The following SCAF8 variants were observed in gnomAD, a reference collection of about 807,000 sequenced individuals.
SCAF8 encodes the protein SR-related CTD associated factor 8.
In SCAF8, 23 loss-of-function variants were observed where a neutral mutation model predicts 140.5. That is an observed-to-expected ratio of 0.16 (90% CI 0.12 to 0.23). The LOEUF is 0.23. Among genes scored for constraint, SCAF8 ranks in the 10% least tolerant of loss-of-function variants. The pLI is 1.00. For missense variants in SCAF8, 1,397 were observed against 1,555.7 expected (o/e 0.90, Z 1.72); for synonymous variants, 575 against 528.9 (o/e 1.09, Z -1.20).
intron 12 of SCAF8, 43 bp from the exon 13 acceptor site, chr6:154,815,671 CTA>C (rs773166001): frequency 3.9e-5 from 41 of 1,049,110 alleles, no homozygotes; most frequent in East Asian, 3.1e-4. Flanking sequence ...AAAGAAGTAA[CTA>C]TGTCTAAATG....
At chr6:154,766,077 G>T (rs1776556448) in intron 1 of SCAF8, among the ~76,000 whole-genome samples, 1 of 140,052 alleles carries the variant, frequency 7.1e-6, no homozygotes, top group South Asian at 2.3e-4. Context: ...TAAGAGAAAA[G>T]AAAATGTTAT....
chr6:154,769,743 GT>G (rs1344279197), intron 1 of SCAF8, among the ~76,000 whole-genome samples: 1 of 152,304 alleles, frequency 6.6e-6, no homozygotes, highest in East Asian at 1.9e-4. Context: ...AGATCTTTCT[GT>G]ACAAAGCTTG....
chr6:154,824,682 T>C (rs1225269786), intron 17 of SCAF8, among the ~76,000 whole-genome samples: 3 of 151,996 alleles, frequency 2.0e-5, no homozygotes, highest in Non-Finnish European at 4.4e-5. Flanking sequence ...GTGGCTCACA[T>C]CTGTAATCCC....
chr6:154,734,615 C>A lies in SCAF8; in HGVS notation c.30+685C>A, dbSNP rs187631578. Among the ~76,000 whole-genome samples, 912 of 152,254 alleles carry A rather than the reference C, an allele frequency of 6.0e-3. 15 individuals carry two copies. Among genetic ancestry groups the A allele is most frequent in the Admixed American group, 0.027 (417 of 15,296 alleles). On this transcript the variant is annotated intron_variant, in intron 1 of 19. Coordinates refer to ENST00000367178, the MANE Select transcript of SCAF8 (RefSeq NM_014892.5). ...GAGAGATGGAAGATTATGGGGGAAA[C>A]ATTTCTCGCTGGTTCATTCACGTGT... is the stretch of plus-strand genomic sequence containing the variant.
Position 154,733,825 on chromosome 6 carries a change from G to C in SCAF8, c.-76G>C, listed in dbSNP as rs1369594521. 4.0e-6 allele frequency: 6 copies of C among 1,495,832 alleles called. No individual in the cohort carries two copies. In the African/African-American group the frequency reaches 4.4e-5, roughly 11 times the overall value. 92.7% of individuals were successfully genotyped at this position (1,495,832 alleles called of 1,614,324 possible). On this transcript the variant is annotated 5_prime_UTR_variant, in exon 1 of 20. Transcript: ENST00000367178. ...CCTCCTCGCGGCCACGCAGCAGCCCGCGTCTCGCTCTCCCCACCCAGTGCA... is the reference window on the plus strand; with the variant it reads ...CCTCCTCGCGGCCACGCAGCAGCCCCCGTCTCGCTCTCCCCACCCAGTGCA...
At chr6:154,766,145 A>G (rs931227383) in intron 1 of SCAF8, among the ~76,000 whole-genome samples, 18 of 152,308 alleles carry the variant, frequency 1.2e-4, no homozygotes, top group African/African-American at 4.3e-4. Flanking sequence ...GAAGTAGGTC[A>G]TCATAAAAAT....
chr6:154,809,813 T>C (rs887237347), intron 11 of SCAF8, among the ~76,000 whole-genome samples: 2 of 152,182 alleles, frequency 1.3e-5, no homozygotes, highest in Non-Finnish European at 2.9e-5. Context: ...CTCAGAATCA[T>C]TGCCAACTAA....
At chr6:154,829,341 C>G (rs1024105912) in intron 18 of SCAF8, among the ~76,000 whole-genome samples, 1 of 151,320 alleles carries the variant, frequency 6.6e-6, no homozygotes, top group Non-Finnish European at 1.5e-5. Flanking sequence ...TGTAATGCAA[C>G]AGTAAATATA....
intron 6 of SCAF8, among the ~76,000 whole-genome samples, chr6:154,799,237 C>G (rs1382722028): frequency 6.6e-6 from 1 of 151,206 alleles, no homozygotes; most frequent in Non-Finnish European, 1.5e-5. Flanking sequence ...GTCAGCCTCC[C>G]AAAGTGCTGG....
At chr6:154,815,586 T>G in intron 12 of SCAF8, 130 bp from the exon 13 acceptor site, 2 of 391,112 alleles carry the variant, frequency 5.1e-6, no homozygotes, top group Non-Finnish European at 9.5e-6. Flanking sequence ...AAGTGTTCAT[T>G]GACAATTATT....
In SCAF8 at chr6:154,831,023, A is replaced by G. The variant is rs761220212; in HGVS notation, c.2242A>G (p.Thr748Ala). The G allele has an allele frequency of 1.2e-6, 2 of 1,614,078 alleles. No homozygotes were observed. The highest frequency in any genetic ancestry group is 8.5e-7 in the Non-Finnish European group (1 of 1,179,934). Residue 748 changes from threonine (T) to alanine (A), a missense_variant, in exon 19 of 20, where the codon ACT becomes GCT. Physicochemically the swap from Thr to Ala is moderately conservative, Grantham distance 58. Around this residue, in one of 5 missense-constraint regions of SCAF8, gnomAD observed 930 missense variants for 874.6 expected, o/e 1.06. Coordinates refer to ENST00000367178, the MANE Select transcript of SCAF8 (RefSeq NM_014892.5). The stretch of plus-strand genomic sequence containing the variant: ...CGGTTCTGTTGCCAGCAATCTTGCT[A>G]CTTCCGCTCTGCCAGCTGGAAATGT... ...PGGSVASNLA[T>A]SALPAGNVFN...
intron 1 of SCAF8, among the ~76,000 whole-genome samples, chr6:154,770,831 A>G (rs1583020036): frequency 1.3e-5 from 2 of 152,146 alleles, no homozygotes; most frequent in Admixed American, 1.3e-4. Flanking sequence ...CGCAACCTCC[A>G]TCTCCCAGGT....
In SCAF8 at chr6:154,831,127, A is replaced by G. The variant is rs1272141719; in HGVS notation, c.2346A>G (p.Glu782=). The part of the protein sequence containing the change: ...HLIDHQISSG[E]NTRSVIPNDI... Reference sequence around the variant, plus strand: ...TAGACCACCAGATTTCTTCTGGTGAAAACACCAGATCAGGTAAATAATAAT... The same window carrying G: ...TAGACCACCAGATTTCTTCTGGTGAGAACACCAGATCAGGTAAATAATAAT... The change falls in exon 19 of 20, where the codon GAA becomes GAG. Residue 782 remains glutamate, a synonymous_variant. Transcript: ENST00000367178. The G allele has an allele frequency of 2.4e-5, 38 of 1,588,590 alleles. No individual in the cohort carries two copies. The highest frequency in any genetic ancestry group is 3.1e-5 in the Non-Finnish European group (36 of 1,157,874).
Position 154,792,850 on chromosome 6 carries a change from T to G in SCAF8, c.349T>G (p.Trp117Gly). ...TAAAATAGTGAGAGTACTAAACTTATGGCAGAAGAATAATGTATTTAAGAG... is the reference window on the plus strand; with the variant it reads ...TAAAATAGTGAGAGTACTAAACTTAGGGCAGAAGAATAATGTATTTAAGAG... ...KSKIVRVLNL[W>G]QKNNVFKSEI... Residue 117 changes from tryptophan to glycine, a missense_variant, in exon 5 of 20, where the codon TGG becomes GGG. By Grantham distance (184) the Trp-to-Gly change is radical. This residue lies in a region of SCAF8 where 43 missense variants were observed against 142.1 expected (regional missense o/e 0.30). Coordinates refer to ENST00000367178, the MANE Select transcript of SCAF8 (RefSeq NM_014892.5). 1 of 1,610,400 alleles carries G rather than the reference T, an allele frequency of 6.2e-7. No homozygotes were observed. The highest frequency in any genetic ancestry group is 8.5e-7 in the Non-Finnish European group (1 of 1,178,410).
intron 18 of SCAF8, among the ~76,000 whole-genome samples, chr6:154,829,908 A>T (rs546993731): frequency 1.3e-5 from 2 of 152,344 alleles, no homozygotes; most frequent in East Asian, 3.9e-4. Flanking sequence ...ACTGTCTCAA[A>T]AAAAAGATAG....
chr6:154,774,651 G>A (rs1442416671), intron 2 of SCAF8, among the ~76,000 whole-genome samples: 2 of 151,908 alleles, frequency 1.3e-5, no homozygotes, highest in South Asian at 2.1e-4. Context: ...TTGAAAATAG[G>A]CCATTAAGGA....
At chr6:154,757,580 G>C (rs1160802282) in intron 1 of SCAF8, among the ~76,000 whole-genome samples, 2 of 152,104 alleles carry the variant, frequency 1.3e-5, no homozygotes, top group African/African-American at 4.8e-5. Flanking sequence ...CACATGCTTG[G>C]ATACCTAATA....
At position 154,777,954 on chromosome 6, in the gene SCAF8, T is replaced by C. The variant is rs1776964556; in HGVS notation, c.115-47T>C. The C allele has an allele frequency of 5.9e-6, 7 of 1,190,552 alleles. No individual in the cohort carries two copies. The East Asian group carries it at 1.6e-4, about 28-fold the overall frequency. The allele number at this position is 1,190,552 out of a possible 1,614,324, so 73.7% of individuals were successfully genotyped here. A position where few individuals can be genotyped will look rare whatever the true frequency, so the allele number is the denominator to read the frequency against. ...CTATGGTTAGCAGGAAATTTCAATC[T>C]CCTCAAACTGATTTTAAAACCATAC... On this transcript the variant is annotated intron_variant, in intron 2 of 19. Transcript: ENST00000367178.
intron 16 of SCAF8, 102 bp downstream of exon 16, chr6:154,822,511 G>T (rs77384057): frequency 8.3e-7 from 1 of 1,208,972 alleles, no homozygotes; most frequent in African/African-American, 1.5e-5. Flanking sequence ...CTCCATATTA[G>T]AATAAATGTT....
Sources: allele counts gnomAD v4.1 joint callset (sites outside exome capture counted in the v4.1 genomes callset), GRCh38; gene constraint gnomAD v4.1.1; regional missense constraint gnomAD v4.1.1; transcripts MANE v1.5; gene names NCBI Gene and HGNC (gene_info 2026-07-23, HGNC 2026-07-21).